Variants in CCDC148 observed in about 807,000 individuals in gnomAD.
CCDC148 encodes coiled-coil domain containing 148.
CCDC148 carries 89 observed loss-of-function variants against 85.7 expected under a neutral mutation model. The observed-to-expected ratio is 1.04, with a 90% CI of 0.87 to 1.24. The LOEUF (loss-of-function observed/expected upper bound fraction) is 1.24, where lower values mean the gene tolerates loss of function less well. Ranked by LOEUF, CCDC148 falls within the 50% of genes most tolerant of loss-of-function variation. CCDC148 has a pLI of 0.00. For synonymous variants in CCDC148, 230 were observed against 213.9 expected (o/e 1.08, Z -0.66); for missense variants, 692 against 671.7 (o/e 1.03, Z -0.33).
At chr2:158,315,010 C>CT (rs943929035) in intron 7 of CCDC148, among the ~76,000 whole-genome samples, 2 of 152,036 alleles carry the variant, frequency 1.3e-5, no homozygotes, top group African/African-American at 4.8e-5. Flanking sequence ...AAGAAAAATT[C>CT]TTTTTCAAAG....
At chr2:158,456,284 A>T in intron 1 of CCDC148, 131 bp downstream of exon 1, 4 of 881,866 alleles carry the variant, frequency 4.5e-6, no homozygotes, top group Non-Finnish European at 7.5e-6. Context: ...GAGTTTGAGG[A>T]CCCAAAACGT....
At chr2:158,325,087 T>TG (rs1388337574) in intron 7 of CCDC148, among the ~76,000 whole-genome samples, 4 of 84,160 alleles carry the variant, frequency 4.8e-5, no homozygotes, top group Non-Finnish European at 9.0e-5. Flanking sequence ...GTCTCCTATT[T>TG]GAAAAAAAAA....
At chr2:158,192,465 A>C (rs888833408) in intron 11 of CCDC148, among the ~76,000 whole-genome samples, 1 of 150,576 alleles carries the variant, frequency 6.6e-6, no homozygotes, top group Non-Finnish European at 1.5e-5. Flanking sequence ...TACTAAGCAA[A>C]TCATGGTGTA....
At chr2:158,295,156 C>T (rs941527629) in intron 9 of CCDC148, among the ~76,000 whole-genome samples, 1 of 152,098 alleles carries the variant, frequency 6.6e-6, no homozygotes, top group Non-Finnish European at 1.5e-5. Context: ...CACATACACC[C>T]TCTCAAGACT....
chr2:158,173,830 A>G (rs1014942631), intron 13 of CCDC148, among the ~76,000 whole-genome samples: 1 of 151,910 alleles, frequency 6.6e-6, no homozygotes, highest in Non-Finnish European at 1.5e-5. Flanking sequence ...TGACTCCCAA[A>G]TTACATCTAG....
intron 9 of CCDC148, among the ~76,000 whole-genome samples, chr2:158,285,773 T>G (rs1035137040): frequency 1.3e-5 from 2 of 151,816 alleles, no homozygotes; most frequent in African/African-American, 4.8e-5. Flanking sequence ...CCTGACCTCA[T>G]GATCCACCCG....
chr2:158,202,551 T>C (rs549663629), intron 11 of CCDC148, among the ~76,000 whole-genome samples: 1 of 152,330 alleles, frequency 6.6e-6, no homozygotes, highest in South Asian at 2.1e-4. Flanking sequence ...GTACACATTT[T>C]GTGGAAACGG....
At chr2:158,177,142 G>A (rs1482439227) in intron 12 of CCDC148, among the ~76,000 whole-genome samples, 1 of 151,772 alleles carries the variant, frequency 6.6e-6, no homozygotes, top group Non-Finnish European at 1.5e-5. Context: ...CAAGTGTGTT[G>A]GCATTAGTGA....
intron 7 of CCDC148, among the ~76,000 whole-genome samples, 158 bp from the exon 8 acceptor site, chr2:158,314,052 G>T (rs112137618): frequency 7.3e-6 from 1 of 136,152 alleles, no homozygotes; most frequent in African/African-American, 3.3e-5. Flanking sequence ...TTTCAGAAAA[G>T]CTTCTAAATT....
rs141249691 is a variant in CCDC148, at chr2:158,452,438, G to C, written c.25+3977C>G. The stretch of plus-strand genomic sequence containing the variant: ...AATGGAAATTTATGGCCTACTCTTA[G>C]ACAGAAAAGCAGGAGGGAAAAAGAG... On this transcript the variant is annotated intron_variant, in intron 1 of 13. Transcript: ENST00000283233. Among the ~76,000 whole-genome samples the C allele has an allele frequency of 2.8e-4, 43 of 152,328 alleles. 3 individuals carry two copies. The East Asian group carries it at 8.1e-3, about 29-fold the overall frequency.
chr2:158,333,265 G>A (rs10084218), intron 7 of CCDC148, among the ~76,000 whole-genome samples: 25,634 of 152,002 alleles, frequency 0.17, 3,483 homozygotes, highest in African/African-American at 0.38. Context: ...TTTCTGCCTT[G>A]ATTTTGTTAT....
At chr2:158,347,577 T>C (rs932230029) in intron 2 of CCDC148, among the ~76,000 whole-genome samples, 1 of 152,142 alleles carries the variant, frequency 6.6e-6, no homozygotes, top group African/African-American at 2.4e-5. Context: ...TTAGGGTGGA[T>C]GATAATTTGT....
chr2:158,236,657 T>G (rs1688121649), intron 10 of CCDC148, among the ~76,000 whole-genome samples: 1 of 152,092 alleles, frequency 6.6e-6, no homozygotes, highest in South Asian at 2.1e-4. Flanking sequence ...ATTTTACAAC[T>G]AAGGAGGCAA....
At chr2:158,438,479 A>G (rs944282013) in intron 1 of CCDC148, among the ~76,000 whole-genome samples, 10 of 152,250 alleles carry the variant, frequency 6.6e-5, no homozygotes, top group African/African-American at 2.4e-4. Flanking sequence ...TTAATTCAAG[A>G]TGGATTAAAG....
Position 158,309,430 on chromosome 2 carries a change from T to C in CCDC148, c.1110+3A>G, listed in dbSNP as rs766881942. Reference sequence around the variant, plus strand: ...ATACTGAAACACCTGTGCAGCATCTTACCTTGGCTTTCAGATCAGCACACA... The same window carrying C: ...ATACTGAAACACCTGTGCAGCATCTCACCTTGGCTTTCAGATCAGCACACA... On this transcript the variant is annotated splice_donor_region_variant and intron_variant, in intron 9 of 13. Transcript: ENST00000283233. 6.2e-7 allele frequency: 1 copy of C among 1,611,858 alleles called. No homozygotes were observed. Among genetic ancestry groups the C allele is most frequent in the South Asian group, 1.1e-5 (1 of 90,806 alleles).
chr2:158,443,515 A>AAAAAGAAAAGAAAAGAAAAG (rs1553524477), intron 1 of CCDC148, among the ~76,000 whole-genome samples: 2 of 100,896 alleles, frequency 2.0e-5, no homozygotes, highest in Admixed American at 1.2e-4. Context: ...AAAAAAAAAA[A>AAAAAGAAAAGAAAAGAAAAG]AAAAAAAAGA....
rs748288147 is a variant in CCDC148 at position 158,172,134 on chromosome 2, C to T, written c.1755G>A (p.Glu585=). 5.2e-5 allele frequency: 84 copies of T among 1,608,532 alleles called. No individual in the cohort carries two copies. The highest frequency in any genetic ancestry group is 7.1e-5 in the Non-Finnish European group (83 of 1,176,930). Residue 585 remains glutamate (E), a synonymous_variant, in exon 14 of 14, where the codon GAG becomes GAA. Coordinates refer to ENST00000283233, the MANE Select transcript of CCDC148 (RefSeq NM_138803.4). The stretch of plus-strand genomic sequence containing the variant: ...AGCTCTATATTTTAAATACAGTAGA[C>T]TCCATGTCCTTTCTTGGAGGTTTTT... ...SPQKPPRKDM[E]STVFKI
chr2:158,432,226 T>C (rs1357524523), intron 1 of CCDC148, among the ~76,000 whole-genome samples: 2 of 147,516 alleles, frequency 1.4e-5, no homozygotes, highest in African/African-American at 5.0e-5. Flanking sequence ...AAAAAAAAGA[T>C]GATGAAAATA....
At chr2:158,418,362 A>G (rs558525193) in intron 1 of CCDC148, among the ~76,000 whole-genome samples, 5 of 152,238 alleles carry the variant, frequency 3.3e-5, no homozygotes, top group Admixed American at 6.5e-5. Context: ...TCTAAGTCCA[A>G]TATAATAATA....
Sources: gnomAD v4.1 joint callset for allele counts (sites outside exome capture counted in the v4.1 genomes callset) on GRCh38, gnomAD v4.1.1 for gene constraint, MANE v1.5 for transcripts, NCBI Gene and HGNC (gene_info 2026-07-23, HGNC 2026-07-21) for gene names.